Variants in RBFOX1 observed in about 807,000 individuals in gnomAD.
The protein encoded by RBFOX1 is RNA binding fox-1 homolog 1.
RBFOX1 carries 8 observed loss-of-function variants against 57.7 expected under a neutral mutation model. The ratio of observed to expected loss-of-function variants is 0.14; its 90% CI spans 0.08 to 0.25. The LOEUF is 0.25. Ranked by LOEUF, RBFOX1 falls within the 10% of genes least tolerant of loss-of-function variation. The pLI, the probability that RBFOX1 is intolerant of heterozygous loss-of-function variation, is 1.00. For synonymous variants in RBFOX1, 326 were observed against 222.4 expected, an observed-to-expected ratio of 1.47 and a Z score of -4.15; for missense variants, 611 against 548.5, an observed-to-expected ratio of 1.11 and a Z score of -1.14.
chr16:6,148,506 C>G (rs775090972), intron 1 of RBFOX1, among the ~76,000 whole-genome samples: 2 of 152,180 alleles, frequency 1.3e-5, no homozygotes, highest in African/African-American at 2.4e-5. Flanking sequence ...TTCTTTGAGT[C>G]TCAGGTTGAA....
At chr16:5,810,586 G>A (rs574582171) in intron 3 of RBFOX1, among the ~76,000 whole-genome samples, 1 of 152,234 alleles carries the variant, frequency 6.6e-6, no homozygotes, top group African/African-American at 2.4e-5. Flanking sequence ...CATCACCTCC[G>A]TAATTTGAGT....
chr16:6,217,883 C>T (rs921731153), intron 1 of RBFOX1, among the ~76,000 whole-genome samples: 5 of 152,042 alleles, frequency 3.3e-5, no homozygotes, highest in Admixed American at 1.3e-4. Context: ...GGTATGGTGG[C>T]GCATGATTGT....
intron 4 of RBFOX1, among the ~76,000 whole-genome samples, chr16:7,376,873 C>A (rs1032236171): frequency 4.6e-5 from 7 of 152,206 alleles, no homozygotes; most frequent in Admixed American, 3.9e-4. Context: ...TAAAACTTCC[C>A]TACCAGTGTC....
chr16:6,336,175 ATATATATTTTTTTTTTTTTTT>A (rs1453535450), intron 2 of RBFOX1, among the ~76,000 whole-genome samples: 5 of 31,484 alleles, frequency 1.6e-4, no homozygotes, highest in African/African-American at 4.6e-4. Flanking sequence ...ATATATATAT[ATATATATTTTTTTTTTTTTTT>A]TTTTTTTTTT....
At chr16:7,554,778 G>A (rs187529852) in intron 5 of RBFOX1, among the ~76,000 whole-genome samples, 5 of 151,916 alleles carry the variant, frequency 3.3e-5, no homozygotes, top group East Asian at 1.9e-4. Flanking sequence ...CCAAGTGCAC[G>A]ACATCAAACC....
intron 4 of RBFOX1, among the ~76,000 whole-genome samples, chr16:7,102,707 A>G (rs1242431459): frequency 2.0e-5 from 3 of 152,182 alleles, no homozygotes; most frequent in Non-Finnish European, 2.9e-5. Flanking sequence ...AGTTTATTTT[A>G]TGGAGAAAGT....
In RBFOX1 at chr16:6,206,605, A is replaced by C. The variant is rs564851428; in HGVS notation, c.-126-110390A>C. Reference sequence around the variant, plus strand: ...AATATATTAAATTAAACCTTTCCCAAATTTCCACCACAATACATTTTTTAA... The same window carrying C: ...AATATATTAAATTAAACCTTTCCCACATTTCCACCACAATACATTTTTTAA... On this transcript the variant is annotated intron_variant, in intron 1 of 15. Transcript: ENST00000550418. Among the ~76,000 whole-genome samples, 6 of 152,284 alleles carry C rather than the reference A, an allele frequency of 3.9e-5. No homozygotes were observed. The East Asian group carries it at 7.7e-4, about 20-fold the overall frequency.
chr16:6,690,530 A>C (rs2060051330), intron 3 of RBFOX1, among the ~76,000 whole-genome samples: 1 of 146,098 alleles, frequency 6.8e-6, no homozygotes, highest in Admixed American at 6.9e-5. Context: ...AGTAAAAGGC[A>C]AACAAAACCT....
intron 1 of RBFOX1, among the ~76,000 whole-genome samples, chr16:5,337,248 G>C (rs1238637860): frequency 6.6e-6 from 1 of 152,188 alleles, no homozygotes; most frequent in African/African-American, 2.4e-5. Context: ...TTATCATGCA[G>C]GGATGATGGC....
chr16:5,917,007 G>A (rs1424998417), intron 4 of RBFOX1, among the ~76,000 whole-genome samples: 1 of 152,072 alleles, frequency 6.6e-6, no homozygotes, highest in African/African-American at 2.4e-5. Flanking sequence ...CCTGGGATGG[G>A]GATGAATTGA....
At chr16:7,202,123 T>C (rs1046129548) in intron 4 of RBFOX1, among the ~76,000 whole-genome samples, 6 of 151,212 alleles carry the variant, frequency 4.0e-5, no homozygotes, top group African/African-American at 1.5e-4. Context: ...ACCACAGCAA[T>C]ATAAACAACT....
At chr16:5,269,609 A>G (rs1016233586) in intron 1 of RBFOX1, among the ~76,000 whole-genome samples, 2 of 152,232 alleles carry the variant, frequency 1.3e-5, no homozygotes, top group African/African-American at 4.8e-5. Context: ...CACATTCTAC[A>G]TGATTTCATT....
chr16:7,043,343 A>G (rs1359029087), intron 3 of RBFOX1, among the ~76,000 whole-genome samples: 1 of 152,136 alleles, frequency 6.6e-6, no homozygotes, highest in Admixed American at 6.5e-5. Flanking sequence ...TTTTTAAATA[A>G]AATGTACAAT....
chr16:6,225,120 A>T (rs752103631), intron 1 of RBFOX1, among the ~76,000 whole-genome samples: 6 of 151,976 alleles, frequency 3.9e-5, no homozygotes, highest in Admixed American at 6.6e-5. Context: ...GATGGACTAC[A>T]AGAGAGGTAG....
chr16:7,166,697 C>G (rs950764795), intron 4 of RBFOX1, among the ~76,000 whole-genome samples: 37 of 152,068 alleles, frequency 2.4e-4, no homozygotes, highest in African/African-American at 8.5e-4. Flanking sequence ...TGCTGTCAGC[C>G]GATGCACTAG....
chr16:6,266,101 T>C (rs1016924081), intron 1 of RBFOX1, among the ~76,000 whole-genome samples: 2 of 152,192 alleles, frequency 1.3e-5, no homozygotes, highest in Admixed American at 1.3e-4. Flanking sequence ...GTGTCACTTC[T>C]GGGCGGAAGC....
rs12922826 is a variant in RBFOX1 at position 5,708,906 on chromosome 16, C to G, written c.318+109945C>G. On this transcript the variant is annotated intron_variant, in intron 3 of 19. Transcript: ENST00000641259. ...CCCAATTGTCATAGAAGAGGAAAGA[C>G]GAGAGTGAGAGCAAGAAGAGGAATG... 1.7e-3 allele frequency among the ~76,000 whole-genome samples: 260 copies of G among 151,958 alleles called. 2 individuals carry two copies. The highest frequency in any genetic ancestry group is 5.9e-3 in the African/African-American group (244 of 41,412).
chr16:6,354,568 C>T (rs1333322571), intron 2 of RBFOX1, among the ~76,000 whole-genome samples: 3 of 152,156 alleles, frequency 2.0e-5, no homozygotes, highest in African/African-American at 4.8e-5. Flanking sequence ...ATCTCGCAGG[C>T]CCCTGCCCTC....
chr16:5,999,681 G>A (rs1289813353), intron 4 of RBFOX1, among the ~76,000 whole-genome samples: 3 of 151,854 alleles, frequency 2.0e-5, no homozygotes, highest in Admixed American at 6.6e-5. Flanking sequence ...CTAACACGGT[G>A]AAACCGTGTC....
Sources: allele counts gnomAD v4.1 joint callset (sites outside exome capture counted in the v4.1 genomes callset), GRCh38; gene constraint gnomAD v4.1.1; transcripts MANE v1.5; gene names NCBI Gene and HGNC (gene_info 2026-07-23, HGNC 2026-07-21).